The following GRM8 variants were observed in gnomAD, a reference collection of about 807,000 sequenced individuals.
GRM8 encodes glutamate metabotropic receptor 8, also known as metabotropic glutamate receptor 8.
A neutral mutation model predicts 87.2 loss-of-function variants in GRM8; 47 were observed. That is an observed-to-expected ratio of 0.54 (90% confidence interval 0.43 to 0.69). The LOEUF is 0.69. GRM8 is among the 30% of genes least tolerant of loss of function. The pLI is 0.00. For synonymous variants in GRM8, 396 were observed against 404.5 expected, an observed-to-expected ratio of 0.98 and a Z score of 0.25; for missense variants, 1,019 against 1,139.2, an observed-to-expected ratio of 0.89 and a Z score of 1.52.
At chr7:127,235,549 T>C (rs1434367104) in intron 2 of GRM8, among the ~76,000 whole-genome samples, 1 of 152,208 alleles carries the variant, frequency 6.6e-6, no homozygotes, top group Non-Finnish European at 1.5e-5. Flanking sequence ...AAAACAAATT[T>C]GAAGAGCAAA....
chr7:126,764,464 T>C (rs570951670), intron 7 of GRM8, among the ~76,000 whole-genome samples: 41 of 152,212 alleles, frequency 2.7e-4, no homozygotes, highest in African/African-American at 9.1e-4. Flanking sequence ...TGTTAAACTA[T>C]AATTATTCCT....
intron 3 of GRM8, among the ~76,000 whole-genome samples, chr7:127,091,762 A>G (rs1458258027): frequency 6.7e-5 from 6 of 89,534 alleles, no homozygotes; most frequent in Admixed American, 1.2e-4. Flanking sequence ...CGTCCCACTG[A>G]TCATCCCTCC....
intron 7 of GRM8, among the ~76,000 whole-genome samples, chr7:126,672,338 A>G (rs1379014246): frequency 6.6e-6 from 1 of 152,146 alleles, no homozygotes; most frequent in Non-Finnish European, 1.5e-5. Context: ...TTCCTCATGT[A>G]CTGTGGGTAT....
At chr7:126,997,723 G>A (rs1244025862) in intron 3 of GRM8, among the ~76,000 whole-genome samples, 8 of 151,676 alleles carry the variant, frequency 5.3e-5, no homozygotes, top group African/African-American at 1.9e-4. Context: ...AACCTACCCA[G>A]ATTGAACCAT....
intron 9 of GRM8, among the ~76,000 whole-genome samples, chr7:126,503,474 A>G (rs1339162035): frequency 6.6e-6 from 1 of 152,038 alleles, no homozygotes; most frequent in Non-Finnish European, 1.5e-5. Flanking sequence ...CTAGAAGGCT[A>G]GGAAAATCTG....
intron 3 of GRM8, among the ~76,000 whole-genome samples, chr7:126,924,427 T>C (rs2131382667): frequency 6.6e-6 from 1 of 152,302 alleles, no homozygotes; most frequent in Middle Eastern, 3.4e-3. Context: ...TTAGACTGCA[T>C]AATCCCTCTG....
chr7:126,877,516 C>T (rs904899831), intron 6 of GRM8, among the ~76,000 whole-genome samples: 1 of 152,230 alleles, frequency 6.6e-6, no homozygotes, highest in Admixed American at 6.5e-5. Flanking sequence ...CCTTCATGGA[C>T]ATAAGTTCTA....
intron 6 of GRM8, among the ~76,000 whole-genome samples, chr7:126,810,509 G>C (rs1793187894): frequency 6.6e-6 from 1 of 152,104 alleles, no homozygotes; most frequent in Non-Finnish European, 1.5e-5. Context: ...TGCTTCTGCT[G>C]AATTAGTTCT....
At chr7:126,580,022 A>T (rs1271057043) in intron 8 of GRM8, among the ~76,000 whole-genome samples, 1 of 152,178 alleles carries the variant, frequency 6.6e-6, no homozygotes, top group Non-Finnish European at 1.5e-5. Context: ...GTTAGAACAA[A>T]TTAGTATTTT....
intron 8 of GRM8, among the ~76,000 whole-genome samples, chr7:126,583,124 G>A (rs1489195424): frequency 6.6e-6 from 1 of 152,186 alleles, no homozygotes; most frequent in Non-Finnish European, 1.5e-5. Flanking sequence ...GGGAGGCTAA[G>A]GCGGGTGGAT....
At position 127,059,358 on chromosome 7, in the gene GRM8, A is replaced by T. The variant is rs771314751; in HGVS notation, c.727+47138T>A. 5.1e-4 allele frequency among the ~76,000 whole-genome samples: 69 copies of T among 135,640 alleles called. 1 individual carries two copies. The highest frequency in any genetic ancestry group is 9.1e-4 in the Non-Finnish European group (59 of 64,514). 89.0% of individuals were successfully genotyped at this position (135,640 alleles called of 152,430 possible). A position where few individuals can be genotyped will look rare whatever the true frequency, so the allele number is the denominator to read the frequency against. On this transcript the variant is annotated intron_variant, in intron 3 of 10. Coordinates refer to ENST00000339582, the MANE Select transcript of GRM8 (RefSeq NM_000845.3). ...TTTTTTTTTTTTTGTTTTTTTTGAG[A>T]TGGAGTCTTGCTCTGTCACCCAGGC...
intron 3 of GRM8, among the ~76,000 whole-genome samples, chr7:126,939,614 C>T (rs916193416): frequency 2.6e-5 from 4 of 152,132 alleles, no homozygotes; most frequent in Admixed American, 2.6e-4. Flanking sequence ...GAAAATTGTG[C>T]CTGCATGTAT....
chr7:127,053,938 A>G (rs567248488), intron 3 of GRM8, among the ~76,000 whole-genome samples: 1 of 152,192 alleles, frequency 6.6e-6, no homozygotes, highest in East Asian at 1.9e-4. Flanking sequence ...TATGCTAGTG[A>G]CATTAAATGA....
intron 3 of GRM8, among the ~76,000 whole-genome samples, chr7:127,043,416 T>C (rs534232651): frequency 0.013 from 2,013 of 152,244 alleles, 44 homozygotes; most frequent in African/African-American, 0.045. Flanking sequence ...ACATATACAC[T>C]ATGGAATACT....
At position 127,109,680 on chromosome 7, in the gene GRM8, G is replaced by A. The variant is rs1826168886; in HGVS notation, c.511-2968C>T. On this transcript the variant is annotated intron_variant, in intron 2 of 10. Coordinates refer to ENST00000339582, the MANE Select transcript of GRM8 (RefSeq NM_000845.3). Reference sequence around the variant, plus strand: ...TAGAATCATGACTCTGCTGGCTTATGATCCTCTCAAGACCAAGCAGGGTCT... The same window carrying A: ...TAGAATCATGACTCTGCTGGCTTATAATCCTCTCAAGACCAAGCAGGGTCT... 5.3e-5 allele frequency among the ~76,000 whole-genome samples: 8 copies of A among 152,294 alleles called. No individual in the cohort carries two copies. In the South Asian group the frequency reaches 1.7e-3, roughly 32 times the overall value.
chr7:126,545,222 C>A (rs1021483219), intron 8 of GRM8, among the ~76,000 whole-genome samples: 3 of 152,134 alleles, frequency 2.0e-5, no homozygotes, highest in Admixed American at 6.5e-5. Context: ...GGAAGTCAGA[C>A]CTGTAATATT....
intron 6 of GRM8, among the ~76,000 whole-genome samples, chr7:126,891,544 C>T (rs1801009551): frequency 6.6e-6 from 1 of 151,924 alleles, no homozygotes; most frequent in African/African-American, 2.4e-5. Flanking sequence ...TCTTCCTATC[C>T]CCCTCTCCTA....
At chr7:126,941,536 C>T (rs551890996) in intron 3 of GRM8, among the ~76,000 whole-genome samples, 26 of 150,824 alleles carry the variant, frequency 1.7e-4, no homozygotes, top group African/African-American at 4.9e-4. Context: ...AGGAGAATGG[C>T]GTGAACCCAG....
intron 3 of GRM8, chr7:127,095,798 G>C (rs963566927): frequency 6.6e-6 from 1 of 152,106 alleles, no homozygotes; most frequent in Non-Finnish European, 1.5e-5. Flanking sequence ...CTCCATTGAG[G>C]CAAAGATCAC....
Sources: allele counts gnomAD v4.1 joint callset (sites outside exome capture counted in the v4.1 genomes callset), GRCh38; gene constraint gnomAD v4.1.1; transcripts MANE v1.5; gene names NCBI Gene and HGNC (gene_info 2026-07-23, HGNC 2026-07-21).